PKNOX2: variants seen among roughly 807,000 people sequenced by gnomAD.
PKNOX2 encodes PBX/knotted 1 homeobox 2.
Under a neutral mutation model 53.1 loss-of-function variants are expected in PKNOX2, and 14 were observed. The observed-to-expected ratio is 0.26, with a 90% CI of 0.17 to 0.41. PKNOX2 has a LOEUF of 0.41. Among genes scored for constraint, PKNOX2 ranks in the 10% least tolerant of loss-of-function variants. The pLI, the probability that PKNOX2 is intolerant of heterozygous loss-of-function variation, is 1.00. For synonymous variants in PKNOX2, 257 were observed against 242.8 expected (o/e 1.06, Z -0.54); for missense variants, 496 against 602.8 (o/e 0.82, Z 1.85).
At chr11:125,322,459 CA>C (rs753072789) in intron 2 of PKNOX2, among the ~76,000 whole-genome samples, 47 of 152,306 alleles carry the variant, frequency 3.1e-4, no homozygotes, top group Middle Eastern at 3.4e-3. Context: ...CTCTCTTATG[CA>C]GACACAGTCA....
At chr11:125,382,551 G>A (rs761187506) in intron 5 of PKNOX2, among the ~76,000 whole-genome samples, 2 of 152,192 alleles carry the variant, frequency 1.3e-5, no homozygotes, top group African/African-American at 2.4e-5. Flanking sequence ...ATGGCAGCAG[G>A]CATCTGTTGA....
intron 2 of PKNOX2, among the ~76,000 whole-genome samples, chr11:125,312,355 G>A (rs1004384545): frequency 6.6e-6 from 1 of 152,208 alleles, no homozygotes; most frequent in Non-Finnish European, 1.5e-5. Flanking sequence ...AGAGGCAAAA[G>A]GAGAGTGTGG....
chr11:125,306,068 G>T (rs991734263), intron 2 of PKNOX2, among the ~76,000 whole-genome samples: 11 of 151,860 alleles, frequency 7.2e-5, no homozygotes, highest in African/African-American at 2.4e-4. Context: ...CCCAAGGTGA[G>T]CCCCAAAAGT....
intron 10 of PKNOX2, among the ~76,000 whole-genome samples, chr11:125,423,257 G>A (rs1181241629): frequency 6.6e-6 from 1 of 152,190 alleles, no homozygotes; most frequent in East Asian, 1.9e-4. Flanking sequence ...TGACTCTAGA[G>A]TCCGTGTTCT....
At chr11:125,216,817 G>A (rs760129493) in intron 1 of PKNOX2, among the ~76,000 whole-genome samples, 2 of 152,134 alleles carry the variant, frequency 1.3e-5, no homozygotes, top group Non-Finnish European at 2.9e-5. Flanking sequence ...TGGTACCACT[G>A]AGGTCACGTG....
intron 10 of PKNOX2, 115 bp from the exon 11 acceptor site, chr11:125,428,897 C>A: frequency 8.7e-7 from 1 of 1,147,710 alleles, no homozygotes; most frequent in Non-Finnish European, 1.3e-6. Context: ...AATTTTGGTT[C>A]CCAAACCACT....
At chr11:125,316,099 C>T (rs1352373625) in intron 2 of PKNOX2, among the ~76,000 whole-genome samples, 3 of 152,144 alleles carry the variant, frequency 2.0e-5, no homozygotes, top group African/African-American at 7.2e-5. Flanking sequence ...GGCTCCTTTG[C>T]GTTCTCATGG....
At chr11:125,251,041 G>A (rs1239523060) in intron 2 of PKNOX2, among the ~76,000 whole-genome samples, 1 of 152,188 alleles carries the variant, frequency 6.6e-6, no homozygotes, top group Non-Finnish European at 1.5e-5. Flanking sequence ...TCTGGGCTGC[G>A]GGCGCCCCTC....
rs770157308 is a variant in PKNOX2 at position 125,431,352 on chromosome 11, T to G, written c.1379T>G (p.Val460Gly). 6 of 1,612,812 alleles carry G rather than the reference T, an allele frequency of 3.7e-6. No individual in the cohort carries two copies. In the South Asian group the frequency reaches 6.6e-5, roughly 18 times the overall value. ...GTCGACGAGCTGCAGACGACAAATG[T>G]CAGCGACCTGGGCTTGGAACACAGT... ...EEVDELQTTN[V>G]SDLGLEHSDS... Residue 460 changes from valine (V) to glycine (G), a missense_variant, in exon 13 of 13, where the codon GTC becomes GGC. By Grantham distance (109) the Val-to-Gly change is moderately radical (BLOSUM62 -3). Transcript: ENST00000298282.
chr11:125,357,871 G>A (rs1227179495), intron 4 of PKNOX2, among the ~76,000 whole-genome samples: 4 of 152,192 alleles, frequency 2.6e-5, no homozygotes, highest in African/African-American at 9.7e-5. Flanking sequence ...TAATTTCAGA[G>A]CTATTTCTTT....
chr11:125,279,213 G>A (rs1040942225), intron 2 of PKNOX2, among the ~76,000 whole-genome samples: 4 of 152,186 alleles, frequency 2.6e-5, no homozygotes, highest in Admixed American at 2.6e-4. Flanking sequence ...GCCATGGCCT[G>A]TGAACCGCAG....
intron 2 of PKNOX2, among the ~76,000 whole-genome samples, chr11:125,279,332 C>T (rs1946394989): frequency 6.6e-6 from 1 of 152,224 alleles, no homozygotes; most frequent in Non-Finnish European, 1.5e-5. Flanking sequence ...ACCCTGCACT[C>T]AGCCCTGCTT....
rs551314340 is a variant in PKNOX2, at chr11:125,184,712, C to T, written c.-201+19936C>T. On this transcript the variant is annotated intron_variant, in intron 1 of 12. Transcript: ENST00000298282. ...CCCTGCCCTCTCCTCAGAACCTCTT[C>T]TCACACCCAGGAGCCTCTGATTGCT... Among the ~76,000 whole-genome samples the T allele has an allele frequency of 1.7e-4, 26 of 152,330 alleles. 1 individual carries two copies. The South Asian group carries it at 5.2e-3, about 30-fold the overall frequency.
chr11:125,280,883 C>T (rs1469775717), intron 2 of PKNOX2, among the ~76,000 whole-genome samples: 1 of 152,206 alleles, frequency 6.6e-6, no homozygotes, highest in Admixed American at 6.5e-5. Context: ...TGTCTGCCCG[C>T]TTCCCACTCA....
chr11:125,337,465 C>T (rs1392138916), intron 3 of PKNOX2, among the ~76,000 whole-genome samples: 2 of 152,222 alleles, frequency 1.3e-5, no homozygotes, highest in Non-Finnish European at 2.9e-5. Flanking sequence ...CTCAGAATCC[C>T]AGGTTCAAAA....
At chr11:125,283,831 G>A (rs1946730746) in intron 2 of PKNOX2, among the ~76,000 whole-genome samples, 4 of 152,120 alleles carry the variant, frequency 2.6e-5, no homozygotes, top group Non-Finnish European at 5.9e-5. Flanking sequence ...TTGCTAATTC[G>A]AGGCATTTCT....
chr11:125,405,832 G>T (rs575731236), intron 7 of PKNOX2, among the ~76,000 whole-genome samples: 1 of 152,168 alleles, frequency 6.6e-6, no homozygotes, highest in African/African-American at 2.4e-5. Context: ...CATGGAGCCC[G>T]GCGTGTTGGT....
At chr11:125,377,779 A>T (rs1051784092) in intron 5 of PKNOX2, among the ~76,000 whole-genome samples, 5 of 152,220 alleles carry the variant, frequency 3.3e-5, no homozygotes, top group African/African-American at 1.2e-4. Context: ...CAAAACAACA[A>T]CAAAAACGCA....
chr11:125,384,423 C>T lies in PKNOX2; in HGVS notation c.228-1128C>T, dbSNP rs187837253. Reference sequence around the variant, plus strand: ...TAGAGCCAGGCCGGGTGGTGGCTCACGCCTGTAATCTCAGCACTTTGGGAG... The same window carrying T: ...TAGAGCCAGGCCGGGTGGTGGCTCATGCCTGTAATCTCAGCACTTTGGGAG... On this transcript the variant is annotated intron_variant, in intron 5 of 12. Coordinates refer to ENST00000298282, the MANE Select transcript of PKNOX2 (RefSeq NM_001382323.2). Among the ~76,000 whole-genome samples, 51 of 152,288 alleles carry T rather than the reference C, an allele frequency of 3.3e-4. 1 individual carries two copies. The highest frequency in any genetic ancestry group is 2.9e-3 in the Admixed American group (45 of 15,294).
Sources: gnomAD v4.1 joint callset for allele counts (sites outside exome capture counted in the v4.1 genomes callset) on GRCh38, gnomAD v4.1.1 for gene constraint, MANE v1.5 for transcripts, NCBI Gene and HGNC (gene_info 2026-07-23, HGNC 2026-07-21) for gene names.